SLX4IP: variants seen among roughly 807,000 people sequenced by gnomAD.
The protein encoded by SLX4IP is protein SLX4IP.
In SLX4IP, 34 loss-of-function variants were observed where a neutral mutation model predicts 32.9. The ratio of observed to expected loss-of-function variants is 1.03; its 90% CI spans 0.79 to 1.38. SLX4IP has a LOEUF of 1.38. Among genes scored for constraint, SLX4IP ranks in the 40% most tolerant of loss-of-function variants. SLX4IP has a pLI of 0.00. For missense variants in SLX4IP, 444 were observed against 479.0 expected (o/e 0.93, Z 0.68); for synonymous variants, 172 against 171.7 (o/e 1.00, Z -0.01).
At chr20:10,467,488 C>T (rs1311462618) in intron 2 of SLX4IP, among the ~76,000 whole-genome samples, 1 of 152,194 alleles carries the variant, frequency 6.6e-6, no homozygotes, top group South Asian at 2.1e-4. Flanking sequence ...TCTCCTGATA[C>T]TTAAAGTCTG....
At chr20:10,494,730 C>T (rs1710981044) in intron 2 of SLX4IP, among the ~76,000 whole-genome samples, 1 of 152,070 alleles carries the variant, frequency 6.6e-6, no homozygotes, top group African/African-American at 2.4e-5. Flanking sequence ...CCTATCTCCC[C>T]CTGGCCCTAC....
chr20:10,520,199 C>T (rs916876020), intron 2 of SLX4IP, among the ~76,000 whole-genome samples: 1 of 151,928 alleles, frequency 6.6e-6, no homozygotes, highest in South Asian at 2.1e-4. Flanking sequence ...TACAGGCGCC[C>T]GCCACCATGC....
chr20:10,601,652 T>G (rs2066843336), intron 5 of SLX4IP, 79 bp from the exon 6 acceptor site: 4 of 1,229,944 alleles, frequency 3.3e-6, no homozygotes, highest in Non-Finnish European at 3.5e-6. Context: ...TAACTTAAAA[T>G]GAACAAAAAT....
At chr20:10,505,190 G>A (rs776458674) in intron 2 of SLX4IP, among the ~76,000 whole-genome samples, 64 of 152,150 alleles carry the variant, frequency 4.2e-4, no homozygotes, top group Admixed American at 1.5e-3. Flanking sequence ...AGCATTTGGG[G>A]ACTTAGAGGA....
intron 2 of SLX4IP, among the ~76,000 whole-genome samples, chr20:10,531,305 A>T (rs2065987428): frequency 6.6e-6 from 1 of 152,202 alleles, no homozygotes; most frequent in Non-Finnish European, 1.5e-5. Flanking sequence ...GATTGGAAAC[A>T]TGGTATATTC....
chr20:10,580,114 G>A (rs557443193), intron 4 of SLX4IP, among the ~76,000 whole-genome samples: 42 of 152,308 alleles, frequency 2.8e-4, no homozygotes, highest in African/African-American at 8.4e-4. Context: ...CAGAAAAACT[G>A]TGGTGAGTCA....
chr20:10,569,842 A>G (rs1429362972), intron 4 of SLX4IP, among the ~76,000 whole-genome samples: 2 of 152,192 alleles, frequency 1.3e-5, no homozygotes, highest in Non-Finnish European at 2.9e-5. Flanking sequence ...TGAGGATGCC[A>G]GTTACATTGG....
At chr20:10,444,589 G>T (rs1013679413) in intron 1 of SLX4IP, among the ~76,000 whole-genome samples, 4 of 152,098 alleles carry the variant, frequency 2.6e-5, no homozygotes, top group African/African-American at 9.6e-5. Flanking sequence ...TGTTGTTCAC[G>T]CTGGTCTCGA....
chr20:10,498,882 A>C (rs1413556597), intron 2 of SLX4IP, among the ~76,000 whole-genome samples: 1 of 152,054 alleles, frequency 6.6e-6, no homozygotes, highest in Non-Finnish European at 1.5e-5. Flanking sequence ...TCTACCCTGT[A>C]TAGGGTTAGA....
At chr20:10,449,701 A>G (rs2065226822) in intron 1 of SLX4IP, among the ~76,000 whole-genome samples, 1 of 152,224 alleles carries the variant, frequency 6.6e-6, no homozygotes, top group Non-Finnish European at 1.5e-5. Context: ...AAACAAGTGA[A>G]AAAGTTACAT....
intron 2 of SLX4IP, among the ~76,000 whole-genome samples, chr20:10,542,255 C>T (rs541837646): frequency 1.3e-5 from 2 of 152,088 alleles, no homozygotes; most frequent in African/African-American, 4.8e-5. Flanking sequence ...GTGCACACCC[C>T]CTGCGGCAGA....
chr20:10,601,697 C>G, intron 5 of SLX4IP, 34 bp from the exon 6 acceptor site: 1 of 1,571,346 alleles, frequency 6.4e-7, no homozygotes, highest in Non-Finnish European at 8.7e-7. Flanking sequence ...AGTTTTTTGA[C>G]ACCTTTAAAC....
At chr20:10,470,656 C>T (rs2065417397) in intron 2 of SLX4IP, among the ~76,000 whole-genome samples, 1 of 152,160 alleles carries the variant, frequency 6.6e-6, no homozygotes. Flanking sequence ...GAATGTCATG[C>T]TGTTTGTTCC....
At chr20:10,527,137 T>G (rs551356541) in intron 2 of SLX4IP, among the ~76,000 whole-genome samples, 1 of 152,332 alleles carries the variant, frequency 6.6e-6, no homozygotes, top group South Asian at 2.1e-4. Context: ...ACTTAACAGA[T>G]AAACATGCCA....
At chr20:10,577,539 G>A (rs1354266488) in intron 4 of SLX4IP, among the ~76,000 whole-genome samples, 1 of 151,464 alleles carries the variant, frequency 6.6e-6, no homozygotes, top group African/African-American at 2.5e-5. Flanking sequence ...AACATAACAA[G>A]GTTCTGTCTC....
At chr20:10,493,721 T>C (rs1409506564) in intron 2 of SLX4IP, among the ~76,000 whole-genome samples, 1 of 152,196 alleles carries the variant, frequency 6.6e-6, no homozygotes, top group Non-Finnish European at 1.5e-5. Flanking sequence ...AAAGCCTTAC[T>C]ATTAAGAGCA....
intron 6 of SLX4IP, chr20:10,613,374 C>G: frequency 7.2e-7 from 1 of 1,391,200 alleles, no homozygotes; most frequent in Non-Finnish European, 1.0e-6. Context: ...TCAAGTCTTG[C>G]CTGCACCTTG....
intron 4 of SLX4IP, among the ~76,000 whole-genome samples, chr20:10,568,088 C>CT (rs1382317376): frequency 6.6e-6 from 1 of 152,160 alleles, no homozygotes; most frequent in African/African-American, 2.4e-5. Flanking sequence ...TTTAGATGAG[C>CT]TTTTTCCTGT....
intron 1 of SLX4IP, among the ~76,000 whole-genome samples, chr20:10,442,652 A>T (rs183269350): frequency 1.3e-5 from 2 of 152,382 alleles, no homozygotes; most frequent in Admixed American, 1.3e-4. Flanking sequence ...CTGAATTTAG[A>T]CTTGAATTGC....
Sources: gnomAD v4.1 joint callset for allele counts (sites outside exome capture counted in the v4.1 genomes callset) on GRCh38, gnomAD v4.1.1 for gene constraint, MANE v1.5 for transcripts, NCBI Gene and HGNC (gene_info 2026-07-23, HGNC 2026-07-21) for gene names.